DNAH8: variants seen among roughly 807,000 people sequenced by gnomAD.
The protein encoded by DNAH8 is axonemal beta dynein heavy chain 8.
A neutral mutation model predicts 562.1 loss-of-function variants in DNAH8; 382 were observed. The observed-to-expected ratio is 0.68, with a 90% CI of 0.63 to 0.74. The LOEUF is 0.74. Among genes scored for constraint, DNAH8 ranks in the 30% least tolerant of loss-of-function variants. DNAH8 has a pLI of 0.00. For synonymous variants in DNAH8, 1,881 were observed against 1,919.4 expected (o/e 0.98, Z 0.52); for missense variants, 5,203 against 5,620.4 (o/e 0.93, Z 2.37).
chr6:38,878,718 A>G (rs1459699282), intron 53 of DNAH8, among the ~76,000 whole-genome samples: 3 of 152,214 alleles, frequency 2.0e-5, no homozygotes, highest in African/African-American at 7.2e-5. Flanking sequence ...GACAATGAAG[A>G]TGAAATGGAC....
chr6:38,740,466 G>A (rs766512082), intron 7 of DNAH8, among the ~76,000 whole-genome samples: 1 of 152,086 alleles, frequency 6.6e-6, no homozygotes, highest in Non-Finnish European at 1.5e-5. Context: ...CTTTGCTGTT[G>A]TAAATTGTAT....
rs763048415 is a variant in DNAH8, at chr6:38,723,191, G to A, written c.382G>A (p.Glu128Lys). ...TCCCAATCTACAGGAAACATTAAAAGAGAGACAGGTTTGCTTCTAATACGA... is the reference window on the plus strand; with the variant it reads ...TCCCAATCTACAGGAAACATTAAAAAAGAGACAGGTTTGCTTCTAATACGA... The part of the protein sequence containing the change: ...GLPNLQETLK[E>K]RQARFREARE... Residue 128 changes from glutamate (E) to lysine (K), a missense_variant, in exon 2 of 93, where the codon GAG (glutamate) becomes AAG (lysine). This residue lies in a region of DNAH8 where 556 missense variants were observed against 496.9 expected (regional missense o/e 1.12). Coordinates refer to ENST00000327475, the MANE Select transcript of DNAH8 (RefSeq NM_001206927.2). The A allele has an allele frequency of 5.0e-6, 8 of 1,607,444 alleles. No homozygotes were observed. The highest frequency in any genetic ancestry group is 3.4e-5 in the Admixed American group (2 of 59,108).
At chr6:38,907,244 C>T (rs149568092) in intron 63 of DNAH8, among the ~76,000 whole-genome samples, 4 of 152,316 alleles carry the variant, frequency 2.6e-5, no homozygotes, top group Non-Finnish European at 4.4e-5. Context: ...CCATGCAGAA[C>T]GTCCTCTCCA....
At chr6:38,805,138 C>G (rs1437770759) in intron 22 of DNAH8, among the ~76,000 whole-genome samples, 1 of 151,998 alleles carries the variant, frequency 6.6e-6, no homozygotes, top group Admixed American at 6.6e-5. Context: ...TCACAAGCGT[C>G]AAAAACACAA....
At chr6:39,026,472 C>G in intron 91 of DNAH8, 74 bp from the exon 92 acceptor site, 1 of 1,455,046 alleles carries the variant, frequency 6.9e-7, no homozygotes, top group South Asian at 1.3e-5. Context: ...GCAAGTAACA[C>G]TTAACATTGC....
rs144934338 is a variant in DNAH8 at position 38,804,948 on chromosome 6, G to C, written c.3035-533G>C. 5.2e-3 allele frequency among the ~76,000 whole-genome samples: 787 copies of C among 151,616 alleles called. 11 individuals are homozygous for C. The highest frequency in any genetic ancestry group is 0.017 in the African/African-American group (720 of 41,152). On this transcript the variant is annotated intron_variant, in intron 22 of 92. Transcript: ENST00000327475. ...GGGGAGGGGGTGGGTGTTGCTACTGGCTTCTGGTGGATAAGGGCCAGGGAT... is the reference window on the plus strand; with the variant it reads ...GGGGAGGGGGTGGGTGTTGCTACTGCCTTCTGGTGGATAAGGGCCAGGGAT...
intron 53 of DNAH8, among the ~76,000 whole-genome samples, chr6:38,876,393 A>G (rs1035757683): frequency 5.9e-5 from 9 of 152,206 alleles, no homozygotes; most frequent in Non-Finnish European, 1.3e-4. Context: ...GAGGAAAAAT[A>G]TGCTTCCTAA....
chr6:38,778,474 A>G lies in DNAH8; in HGVS notation c.2039+10A>G. ...TTCAGCTACTTCAAAGGTATTCATA[A>G]CACTTTAAGCAGAGTAGTTTCTGGG... is the stretch of plus-strand genomic sequence containing the variant. On this transcript the variant is annotated intron_variant, in intron 14 of 92. Transcript: ENST00000327475. 6.5e-7 allele frequency: 1 copy of G among 1,536,768 alleles called. No homozygotes were observed. Among genetic ancestry groups the G allele is most frequent in the Admixed American group, 1.7e-5 (1 of 57,364 alleles).
chr6:38,970,362 G>A (rs1330090585), intron 82 of DNAH8, among the ~76,000 whole-genome samples: 1 of 152,086 alleles, frequency 6.6e-6, no homozygotes, highest in Non-Finnish European at 1.5e-5. Flanking sequence ...TTCTTTTCAG[G>A]TGCCAGATTC....
intron 91 of DNAH8, among the ~76,000 whole-genome samples, chr6:39,020,495 T>A (rs1766842560): frequency 6.6e-6 from 1 of 152,136 alleles, no homozygotes; most frequent in Non-Finnish European, 1.5e-5. Flanking sequence ...CCCTCTAGAA[T>A]CCATACAATC....
chr6:38,769,357 T>G (rs564165613), intron 11 of DNAH8, among the ~76,000 whole-genome samples: 1 of 152,324 alleles, frequency 6.6e-6, no homozygotes, highest in East Asian at 1.9e-4. Context: ...CTTCTAATGC[T>G]ATCCCTCCCC....
chr6:38,830,809 G>C (rs1176977668), intron 30 of DNAH8, among the ~76,000 whole-genome samples: 1 of 152,098 alleles, frequency 6.6e-6, no homozygotes, highest in East Asian at 1.9e-4. Context: ...CAAAACTGAA[G>C]CTGAGGTCAC....
At chr6:38,890,871 G>A in intron 58 of DNAH8, 110 bp downstream of exon 58, 2 of 713,440 alleles carry the variant, frequency 2.8e-6, no homozygotes, top group Non-Finnish European at 4.8e-6. Context: ...GGTGTTTTTT[G>A]GAAAAGACAA....
intron 8 of DNAH8, among the ~76,000 whole-genome samples, chr6:38,743,477 A>G (rs1764684073): frequency 6.6e-6 from 1 of 152,184 alleles, no homozygotes; most frequent in Admixed American, 6.5e-5. Flanking sequence ...AAATATCACC[A>G]CGATCCAATT....
chr6:38,745,403 A>G (rs1764844453), intron 8 of DNAH8, among the ~76,000 whole-genome samples: 1 of 152,228 alleles, frequency 6.6e-6, no homozygotes, highest in Non-Finnish European at 1.5e-5. Context: ...TTACAATGCA[A>G]ACTTTTTCCT....
chr6:38,750,953 T>A (rs1582902369), intron 9 of DNAH8, among the ~76,000 whole-genome samples: 1 of 152,242 alleles, frequency 6.6e-6, no homozygotes, highest in East Asian at 1.9e-4. Flanking sequence ...AAATATATAG[T>A]GAATCATTAA....
chr6:38,947,896 C>A (rs755272987), intron 80 of DNAH8, among the ~76,000 whole-genome samples: 1 of 152,080 alleles, frequency 6.6e-6, no homozygotes, highest in East Asian at 1.9e-4. Context: ...TACAGATACA[C>A]GCTGCCACGC....
At chr6:38,828,328 C>T in intron 30 of DNAH8, 40 bp downstream of exon 30, 3 of 1,238,412 alleles carry the variant, frequency 2.4e-6, no homozygotes, top group Non-Finnish European at 2.3e-6. Context: ...TCTTAAGTCA[C>T]TATCTCCAGA....
intron 61 of DNAH8, 108 bp from the exon 62 acceptor site, chr6:38,899,668 T>C: frequency 2.4e-6 from 3 of 1,233,880 alleles, no homozygotes; most frequent in Middle Eastern, 2.2e-4. Flanking sequence ...GAGGAAAAAG[T>C]CTAATATCAT....
Sources: allele counts gnomAD v4.1 joint callset (sites outside exome capture counted in the v4.1 genomes callset), GRCh38; gene constraint gnomAD v4.1.1; regional missense constraint gnomAD v4.1.1; transcripts MANE v1.5; gene names NCBI Gene and HGNC (gene_info 2026-07-23, HGNC 2026-07-21).